CD177: variants seen among roughly 807,000 people sequenced by gnomAD.
CD177 encodes the protein CD177 antigen.
In CD177, 41 loss-of-function variants were observed where a neutral mutation model predicts 38.1. The ratio of observed to expected loss-of-function variants is 1.07; its 90% confidence interval spans 0.84 to 1.39. CD177 has a LOEUF of 1.39. Among genes scored for constraint, CD177 ranks in the 40% most tolerant of loss-of-function variants. The probability of loss-of-function intolerance (pLI) is 0.00; values close to 1 mark genes in which losing one functional copy is unlikely to be tolerated. For synonymous variants in CD177, 236 were observed against 216.7 expected, an observed-to-expected ratio of 1.09 and a Z score of -0.78; for missense variants, 619 against 523.8, an observed-to-expected ratio of 1.18 and a Z score of -1.77.
chr19:43,354,039 C>A, intron 2 of CD177, 46 bp downstream of exon 2: 2 of 1,593,854 alleles, frequency 1.3e-6, no homozygotes, highest in Non-Finnish European at 1.7e-6. Context: ...TCCCCTCAGT[C>A]CCTTGATCCC....
intron 3 of CD177, 35 bp from the exon 4 acceptor site, chr19:43,355,626 T>C: frequency 1.2e-6 from 2 of 1,611,644 alleles, no homozygotes; most frequent in Non-Finnish European, 1.7e-6. Context: ...CAGTGCCCTC[T>C]CAGTGCCCCC....
chr19:43,361,985 GC>G lies in CD177; in HGVS notation c.1082-102del. 11 of 932,004 alleles carry G rather than the reference GC, an allele frequency of 1.2e-5. No homozygotes were observed. In the South Asian group the frequency reaches 1.7e-4, roughly 15 times the overall value. The allele number at this position is 932,004 out of a possible 1,614,324, so 57.7% of individuals were successfully genotyped here. On this transcript the variant is annotated intron_variant, in intron 8 of 8. Transcript: ENST00000618265. ...TGAGGAGCTGGAGCTGGGGGTCTGG[GC>G]TCCTCGGTCTGAGGGAGGAGGGTCT...
intron 3 of CD177, 74 bp from the exon 4 acceptor site, chr19:43,355,587 G>T: frequency 6.3e-7 from 1 of 1,591,034 alleles, no homozygotes; most frequent in Non-Finnish European, 8.6e-7. Context: ...CAGCAAAAGT[G>T]GGGTGCAGAG....
chr19:43,355,114 T>C lies in CD177; in HGVS notation c.380-547T>C, dbSNP rs1181591140. Among the ~76,000 whole-genome samples the C allele has an allele frequency of 3.7e-5, 4 of 107,102 alleles. No homozygotes were observed. The South Asian group carries it at 1.4e-3, about 38-fold the overall frequency. 70.3% of individuals were successfully genotyped at this position (107,102 alleles called of 152,430 possible). A position where few individuals can be genotyped will look rare whatever the true frequency, so the allele number is the denominator to read the frequency against. On this transcript the variant is annotated intron_variant, in intron 3 of 8. Transcript: ENST00000618265. The stretch of plus-strand genomic sequence containing the variant: ...CCCCCCTTTTCTTTTCTTTTTTTTT[T>C]TTTTTTTTTTTTTTTCTGAGAAAGC...
At position 43,362,179 on chromosome 19, in the gene CD177, T is replaced by G. The variant is rs1341737699; in HGVS notation, c.1173T>G (p.Ser391=). 2 of 1,613,390 alleles carry G rather than the reference T, an allele frequency of 1.2e-6. No individual in the cohort carries two copies. Among genetic ancestry groups the G allele is most frequent in the East Asian group, 4.5e-5 (2 of 44,804 alleles). Residue 391 remains serine (S), a synonymous_variant, in exon 9 of 9, where the codon TCT becomes TCG. Coordinates refer to ENST00000618265, the MANE Select transcript of CD177 (RefSeq NM_020406.4). Reference sequence around the variant, plus strand: ...ACACCAGACAAATCGGGATCTTCTCTGCGCGTGAGAAGCGTGATGTGCAGC... The same window carrying G: ...ACACCAGACAAATCGGGATCTTCTCGGCGCGTGAGAAGCGTGATGTGCAGC... ...LNHTRQIGIF[S]AREKRDVQPP... is the part of the protein sequence containing the mutation.
chr19:43,355,321 C>G (rs1969911602), intron 3 of CD177, among the ~76,000 whole-genome samples: 1 of 151,094 alleles, frequency 6.6e-6, no homozygotes, highest in Non-Finnish European at 1.5e-5. Flanking sequence ...ACTATGTTGC[C>G]CAGGCTGGTC....
intron 3 of CD177, 75 bp downstream of exon 3, chr19:43,354,467 G>C (rs761596118): frequency 4.0e-6 from 6 of 1,492,456 alleles, no homozygotes; most frequent in Non-Finnish European, 5.6e-6. Flanking sequence ...GGGCTGTTAC[G>C]GAGTCCCTCC....
chr19:43,362,402 A>C lies in CD177; in HGVS notation c.*82A>C. 5 of 622,400 alleles carry C rather than the reference A, an allele frequency of 8.0e-6. No individual in the cohort carries two copies. Among genetic ancestry groups the C allele is most frequent in the Admixed American group, 2.9e-5 (1 of 34,276 alleles). The allele number at this position is 622,400 out of a possible 1,614,324, so 38.6% of individuals were successfully genotyped here. On this transcript the variant is annotated 3_prime_UTR_variant, in exon 9 of 9. Coordinates refer to ENST00000618265, the MANE Select transcript of CD177 (RefSeq NM_020406.4). ...TGACCTCATAACCTAATGGCCTTGGACACCAGATTCTTTCCCATTCTGTCC... is the reference window on the plus strand; with the variant it reads ...TGACCTCATAACCTAATGGCCTTGGCCACCAGATTCTTTCCCATTCTGTCC...
rs372882731 is a variant in CD177 at position 43,353,975 on chromosome 19, T to C, written c.175T>C (p.Leu59=). 38 of 1,613,626 alleles carry C rather than the reference T, an allele frequency of 2.4e-5. No homozygotes were observed. Among genetic ancestry groups the C allele is most frequent in the South Asian group, 3.3e-5 (3 of 91,080 alleles). The change falls in exon 2 of 9, where the codon TTG becomes CTG. Residue 59 remains leucine (L), a synonymous_variant. Transcript: ENST00000618265. ...CDSGLGCQDT[L]MLIESGPQVS... is the part of the protein sequence containing the mutation. The stretch of plus-strand genomic sequence containing the variant: ...CAGCGGCTTGGGGTGCCAGGACACG[T>C]TGATGCTCATTGAGAGCGGTGAGAA...
rs1969887607 is a variant in CD177, at chr19:43,354,268, C to A, written c.255C>A (p.Arg85=). 2 of 1,613,912 alleles carry A rather than the reference C, an allele frequency of 1.2e-6. No homozygotes were observed. The highest frequency in any genetic ancestry group is 1.1e-5 in the South Asian group (1 of 91,084). The part of the protein sequence containing the change: ...GCTEAKDQEP[R]VTEHRMGPGL... ...CGGAGGCCAAGGACCAGGAGCCCCG[C>A]GTCACTGAGCACCGGATGGGCCCCG... The change falls in exon 3 of 9, where the codon CGC becomes CGA. Residue 85 remains arginine, a synonymous_variant. Coordinates refer to ENST00000618265, the MANE Select transcript of CD177 (RefSeq NM_020406.4).
At chr19:43,361,862 G>A (rs545954267) in intron 8 of CD177, among the ~76,000 whole-genome samples, 2 of 144,496 alleles carry the variant, frequency 1.4e-5, no homozygotes, top group African/African-American at 2.6e-5. Context: ...GGTCTGAGGA[G>A]CTGAGGCTCT....
In CD177 at chr19:43,353,757, C is replaced by A; in HGVS notation, c.43C>A (p.Pro15Thr). The A allele has an allele frequency of 6.2e-7, 1 of 1,613,946 alleles. No individual in the cohort carries two copies. Among genetic ancestry groups the A allele is most frequent in the Non-Finnish European group, 8.5e-7 (1 of 1,179,866 alleles). Residue 15 changes from proline (P) to threonine (T), a missense_variant, in exon 1 of 9, where the codon CCA becomes ACA. Physicochemically the swap from Pro to Thr is conservative, Grantham distance 38. Coordinates refer to ENST00000618265, the MANE Select transcript of CD177 (RefSeq NM_020406.4). ...GCTGGCCCTCCTGGGGTTCATCCTCCCACTGCCAGGTGAGTGATGAGCCCA... is the reference window on the plus strand; with the variant it reads ...GCTGGCCCTCCTGGGGTTCATCCTCACACTGCCAGGTGAGTGATGAGCCCA... ...LLLALLGFIL[P>T]LPGVQALLCQ...
Position 43,355,714 on chromosome 19 carries a change from G to A in CD177, c.433G>A (p.Gly145Arg), listed in dbSNP as rs1487773789. 1 of 1,612,948 alleles carries A rather than the reference G, an allele frequency of 6.2e-7. No homozygotes were observed. Among genetic ancestry groups the A allele is most frequent in the South Asian group, 1.1e-5 (1 of 91,012 alleles). Reference protein sequence around the residue: ...VCLSMEGCLEGTTEEICPKGT... With the variant: ...VCLSMEGCLERTTEEICPKGT... ...CTTGTCTATGGAAGGCTGTCTGGAG[G>A]GGACAACAGAAGAGATCTGCCCCAA... The change falls in exon 4 of 9, where the codon GGG (glycine) becomes AGG (arginine). Residue 145 changes from glycine to arginine, a missense_variant. Physicochemically the swap from Gly to Arg is moderately radical, Grantham distance 125. Coordinates refer to ENST00000618265, the MANE Select transcript of CD177 (RefSeq NM_020406.4).
downstream of CD177, among the ~76,000 whole-genome samples, chr19:43,363,506 G>A (rs4803617): frequency 0.69 from 103,900 of 151,538 alleles, 36,006 homozygotes; most frequent in East Asian, 0.97. Flanking sequence ...TGAAAAACGC[G>A]TCCAGCCCAC....
At chr19:43,363,607 C>G (rs538824612), downstream of CD177, among the ~76,000 whole-genome samples, 36 of 152,238 alleles carry the variant, frequency 2.4e-4, no homozygotes, top group East Asian at 6.6e-3. Context: ...GACTGAACCC[C>G]CTAGAGGCCA....
chr19:43,354,333 A>G lies in CD177; in HGVS notation c.320A>G (p.Glu107Gly). ...LISYTFVCRQ[E>G]DFCNNLVNSL... ...TCCTACACCTTCGTGTGCCGCCAGGAGGACTTCTGCAACAACCTCGTTAAC... is the reference window on the plus strand; with the variant it reads ...TCCTACACCTTCGTGTGCCGCCAGGGGGACTTCTGCAACAACCTCGTTAAC... The change falls in exon 3 of 9, where the codon GAG (glutamate) becomes GGG (glycine). Residue 107 changes from glutamate (E) to glycine (G), a missense_variant. Coordinates refer to ENST00000618265, the MANE Select transcript of CD177 (RefSeq NM_020406.4). The G allele has an allele frequency of 1.9e-6, 3 of 1,613,878 alleles. No individual in the cohort carries two copies. The highest frequency in any genetic ancestry group is 1.1e-5 in the South Asian group (1 of 91,070).
chr19:43,353,855 G>T lies in CD177; in HGVS notation c.55G>T (p.Val19Leu). 1 of 1,613,900 alleles carries T rather than the reference G, an allele frequency of 6.2e-7. No homozygotes were observed. The highest frequency in any genetic ancestry group is 1.6e-4 in the Middle Eastern group (1 of 6,062). ...TGGATTTGCTCTTGCCACTCCAGGAGTGCAGGCGCTGCTCTGCCAGTTTGG... is the reference window on the plus strand; with the variant it reads ...TGGATTTGCTCTTGCCACTCCAGGATTGCAGGCGCTGCTCTGCCAGTTTGG... Reference protein sequence around the residue: ...LLGFILPLPGVQALLCQFGTV... With the variant: ...LLGFILPLPGLQALLCQFGTV... The change falls in exon 2 of 9, where the codon GTG becomes TTG. Residue 19 changes from valine to leucine, a missense_variant and splice_region_variant. Coordinates refer to ENST00000618265, the MANE Select transcript of CD177 (RefSeq NM_020406.4).
rs528717287 is a variant in CD177 at position 43,361,052 on chromosome 19, G to A, written c.761-91G>A. 77 of 635,790 alleles carry A rather than the reference G, an allele frequency of 1.2e-4. No homozygotes were observed. The African/African-American group carries it at 1.4e-3, about 11-fold the overall frequency. 39.4% of individuals were successfully genotyped at this position (635,790 alleles called of 1,614,324 possible). A position where few individuals can be genotyped will look rare whatever the true frequency, so the allele number is the denominator to read the frequency against. On this transcript the variant is annotated intron_variant, in intron 6 of 8. Transcript: ENST00000618265. ...CAGGGCATTCACCCTCTGCCTGGGG[G>A]GTATTGTGAAGGGCAGGGAGTCCAG... is the stretch of plus-strand genomic sequence containing the variant.
At chr19:43,355,620 G>A (rs2122242139) in intron 3 of CD177, 41 bp from the exon 4 acceptor site, 1 of 1,610,840 alleles carries the variant, frequency 6.2e-7, no homozygotes, top group South Asian at 1.1e-5. Context: ...CAAATCCAGT[G>A]CCCTCTCAGT....
Sources: allele counts gnomAD v4.1 joint callset (sites outside exome capture counted in the v4.1 genomes callset), GRCh38; gene constraint gnomAD v4.1.1; transcripts MANE v1.5; gene names NCBI Gene and HGNC (gene_info 2026-07-23, HGNC 2026-07-21).